The following ZNF469 variants were observed in gnomAD, a reference collection of about 807,000 sequenced individuals.
ZNF469 encodes zinc finger protein 469.
In ZNF469, 1 loss-of-function variant was observed where a neutral mutation model predicts 1.0. That is an observed-to-expected ratio of 1.00 (90% CI 0.35 to 4.73). The LOEUF (loss-of-function observed/expected upper bound fraction) is 4.73, where lower values mean the gene tolerates loss of function less well. Ranked by LOEUF, ZNF469 falls within the 30% of genes most tolerant of loss-of-function variation. The probability of loss-of-function intolerance (pLI) is 0.16; values close to 1 mark genes in which losing one functional copy is unlikely to be tolerated. For synonymous variants in ZNF469, 2,703 were observed against 2,363.4 expected (o/e 1.14, Z -4.17); for missense variants, 6,100 against 5,356.3 (o/e 1.14, Z -4.33).
chr16:88,128,651 G>C, the ZNF469 span, among the ~76,000 whole-genome samples: 1 of 152,218 alleles, frequency 6.6e-6, no homozygotes, highest in East Asian at 1.9e-4. Flanking sequence ...CCCGACCCAG[G>C]TCTCCCTTTG....
At chr16:88,266,667 G>A in the ZNF469 span, among the ~76,000 whole-genome samples, 1 of 152,210 alleles carries the variant, frequency 6.6e-6, no homozygotes, top group African/African-American at 2.4e-5. Flanking sequence ...CACTGGCGCT[G>A]GGAAAGTTCT....
chr16:88,377,311 G>A, the ZNF469 span, among the ~76,000 whole-genome samples: 9 of 152,362 alleles, frequency 5.9e-5, no homozygotes, highest in South Asian at 1.2e-3. Flanking sequence ...GATCCTGCAT[G>A]CCCAGACCCT....
the ZNF469 span, among the ~76,000 whole-genome samples, chr16:88,219,747 A>G: frequency 6.6e-6 from 1 of 152,170 alleles, no homozygotes. Context: ...CATATATCCC[A>G]TTTCCACATG....
At chr16:88,242,036 G>A in the ZNF469 span, among the ~76,000 whole-genome samples, 1 of 152,218 alleles carries the variant, frequency 6.6e-6, no homozygotes, top group African/African-American at 2.4e-5. Context: ...TAAAGGCTGA[G>A]CAAGGAGCTC....
At chr16:88,342,848 C>G in the ZNF469 span, among the ~76,000 whole-genome samples, 1 of 152,238 alleles carries the variant, frequency 6.6e-6, no homozygotes, top group Non-Finnish European at 1.5e-5. Flanking sequence ...ACCCGTCAAG[C>G]CCTTGTCGGG....
At position 88,430,035 on chromosome 16, in the gene ZNF469, G is replaced by C. The variant is rs1420679441; in HGVS notation, c.2565G>C (p.Ser855=). The C allele has an allele frequency of 7.1e-6, 11 of 1,550,388 alleles. No homozygotes were observed. Among genetic ancestry groups the C allele is most frequent in the African/African-American group, 1.4e-5 (1 of 73,176 alleles). The change falls in exon 3 of 3, where the codon TCG becomes TCC. Residue 855 remains serine (S), a synonymous_variant. Coordinates refer to ENST00000565624, the MANE Select transcript of ZNF469 (RefSeq NM_001367624.2). ...TEALNGMEYQ[S]DNPEIDSSFI... Reference sequence around the variant, plus strand: ...CGCTCAACGGCATGGAGTACCAGTCGGACAACCCGGAGATCGACAGCAGCT... The same window carrying C: ...CGCTCAACGGCATGGAGTACCAGTCCGACAACCCGGAGATCGACAGCAGCT...
the ZNF469 span, among the ~76,000 whole-genome samples, chr16:88,371,836 A>G: frequency 6.6e-6 from 1 of 151,868 alleles, no homozygotes; most frequent in African/African-American, 2.4e-5. Context: ...CACCACCATT[A>G]TCACCACCAT....
At chr16:88,381,209 C>A (rs1599340530), upstream of ZNF469, among the ~76,000 whole-genome samples, 1 of 138,950 alleles carries the variant, frequency 7.2e-6, no homozygotes, top group Non-Finnish European at 1.5e-5. Context: ...TTCACAGACA[C>A]ACACACAGAC....
intron 1 of ZNF469, among the ~76,000 whole-genome samples, chr16:88,394,519 G>A (rs1299026141): frequency 6.6e-6 from 1 of 152,196 alleles, no homozygotes; most frequent in African/African-American, 2.4e-5. Context: ...GGTGCTTCCC[G>A]GTCGTATCAT....
At chr16:88,399,601 C>T (rs1281544662) in intron 1 of ZNF469, among the ~76,000 whole-genome samples, 2 of 152,232 alleles carry the variant, frequency 1.3e-5, no homozygotes, top group Non-Finnish European at 2.9e-5. Context: ...AAATGAGTAT[C>T]TGTGGTGCCT....
intron 1 of ZNF469, among the ~76,000 whole-genome samples, chr16:88,419,511 C>CTATTT (rs1347182680): frequency 6.6e-6 from 1 of 152,206 alleles, no homozygotes; most frequent in African/African-American, 2.4e-5. Flanking sequence ...CGGTCCCACC[C>CTATTT]CATGGCACAT....
At chr16:88,266,528 T>A in the ZNF469 span, among the ~76,000 whole-genome samples, 1 of 152,208 alleles carries the variant, frequency 6.6e-6, no homozygotes, top group African/African-American at 2.4e-5. Context: ...TAACGTTTTA[T>A]TTGGGAAGAA....
chr16:88,197,588 C>A, the ZNF469 span, among the ~76,000 whole-genome samples: 2 of 152,208 alleles, frequency 1.3e-5, no homozygotes, highest in African/African-American at 2.4e-5. Context: ...TAACAAACTA[C>A]CCCCAACTCA....
Position 88,427,404 on chromosome 16 carries a change from C to G in ZNF469, c.-67C>G. Reference sequence around the variant, plus strand: ...GGGCCCATCGAGGGCTGAGGATGGCCGTCCAGCCCACTCCCCAGGGCCCCC... The same window carrying G: ...GGGCCCATCGAGGGCTGAGGATGGCGGTCCAGCCCACTCCCCAGGGCCCCC... On this transcript the variant is annotated 5_prime_UTR_variant, in exon 3 of 3. Coordinates refer to ENST00000565624, the MANE Select transcript of ZNF469 (RefSeq NM_001367624.2). 7.1e-7 allele frequency: 1 copy of G among 1,413,244 alleles called. No homozygotes were observed. The highest frequency in any genetic ancestry group is 9.3e-7 in the Non-Finnish European group (1 of 1,080,472). 87.5% of individuals were successfully genotyped at this position (1,413,244 alleles called of 1,614,324 possible).
the ZNF469 span, among the ~76,000 whole-genome samples, chr16:88,152,345 T>C: frequency 6.6e-6 from 1 of 152,188 alleles, no homozygotes; most frequent in Non-Finnish European, 1.5e-5. This position sits in a 1 kb window ranked among gnomAD's most constrained non-coding sequence, Gnocchi z 4.2. Context: ...CTGGTTTCCA[T>C]AGCTCTCCAA....
chr16:88,113,980 G>A, the ZNF469 span, among the ~76,000 whole-genome samples: 179 of 152,320 alleles, frequency 1.2e-3, no homozygotes, highest in African/African-American at 4.1e-3. Flanking sequence ...CGTGCGATGG[G>A]AGGTCCTGTG....
intron 1 of ZNF469, among the ~76,000 whole-genome samples, chr16:88,417,027 G>A (rs1445185485): frequency 2.0e-5 from 3 of 152,234 alleles, no homozygotes; most frequent in Admixed American, 1.3e-4. Context: ...GCTGTGACAG[G>A]GTGAGGGCTG....
At chr16:88,243,938 ATATATATATAT>A in the ZNF469 span, among the ~76,000 whole-genome samples, 39 of 109,942 alleles carry the variant, frequency 3.5e-4, no homozygotes, top group East Asian at 5.4e-3. Flanking sequence ...ATATATATAT[ATATATATATAT>A]ATAAATGTAT....
chr16:88,388,436 C>G (rs912410549), intron 1 of ZNF469, among the ~76,000 whole-genome samples: 2 of 150,542 alleles, frequency 1.3e-5, no homozygotes. Context: ...AGAATGTGAC[C>G]GTTGGGAGCG....
Sources: gnomAD v4.1 joint callset for allele counts (sites outside exome capture counted in the v4.1 genomes callset) on GRCh38, gnomAD v4.1.1 for gene constraint, Gnocchi (gnomAD v3.1) non-coding constraint, MANE v1.5 for transcripts, NCBI Gene and HGNC (gene_info 2026-07-23, HGNC 2026-07-21) for gene names.